The following RANBP2 variants were observed in gnomAD, a reference collection of about 807,000 sequenced individuals.
RANBP2 encodes RAN binding protein 2.
RANBP2 carries 57 observed loss-of-function variants against 303.6 expected under a neutral mutation model. The observed-to-expected ratio is 0.19, with a 90% CI of 0.15 to 0.23. RANBP2 has a LOEUF of 0.23. Among genes scored for constraint, RANBP2 ranks in the 10% least tolerant of loss-of-function variants. RANBP2 has a pLI of 1.00. For synonymous variants in RANBP2, 1,167 were observed against 1,301.5 expected, an observed-to-expected ratio of 0.90 and a Z score of 2.23; for missense variants, 3,138 against 3,780.8, an observed-to-expected ratio of 0.83 and a Z score of 4.46.
chr2:109,158,274 C>G, the RANBP2 span, among the ~76,000 whole-genome samples: 1 of 152,172 alleles, frequency 6.6e-6, no homozygotes, highest in African/African-American at 2.4e-5. Context: ...CCTCCAGGCT[C>G]CCGGTTGCCA....
the RANBP2 span, among the ~76,000 whole-genome samples, chr2:109,393,109 C>T: frequency 6.6e-6 from 1 of 152,334 alleles, no homozygotes; most frequent in East Asian, 1.9e-4. Flanking sequence ...CCAACAAAAG[C>T]TTCAGGCAGG....
At chr2:109,492,504 G>C in the RANBP2 span, among the ~76,000 whole-genome samples, 1 of 152,202 alleles carries the variant, frequency 6.6e-6, no homozygotes, top group Admixed American at 6.5e-5. Flanking sequence ...AGTGGGCATG[G>C]ATTCCGGCTA....
the RANBP2 span, among the ~76,000 whole-genome samples, chr2:109,202,124 G>A: frequency 6.6e-6 from 1 of 152,134 alleles, no homozygotes; most frequent in African/African-American, 2.4e-5. Flanking sequence ...TTCTCATCTT[G>A]ACAGATCAGC....
the RANBP2 span, among the ~76,000 whole-genome samples, chr2:109,216,120 C>G: frequency 6.6e-6 from 1 of 152,130 alleles, no homozygotes; most frequent in African/African-American, 2.4e-5. Context: ...CGGGGGACAT[C>G]GTGAGGTCTG....
chr2:109,272,905 A>G, the RANBP2 span, among the ~76,000 whole-genome samples: 3 of 152,174 alleles, frequency 2.0e-5, no homozygotes. Flanking sequence ...TTGTCATGCC[A>G]AGACAGTTTC....
At chr2:108,804,940 A>G in the RANBP2 span, 88 of 1,575,236 alleles carry the variant, frequency 5.6e-5, no homozygotes, top group South Asian at 1.0e-3. Flanking sequence ...GGAAAAGAAT[A>G]AAGAAACCAA....
chr2:109,573,519 G>A, the RANBP2 span, among the ~76,000 whole-genome samples: 1 of 152,112 alleles, frequency 6.6e-6, no homozygotes, highest in African/African-American at 2.4e-5. Flanking sequence ...CTAAAACCAG[G>A]GGACCAAGCA....
At chr2:108,870,593 C>A in the RANBP2 span, among the ~76,000 whole-genome samples, 5 of 152,286 alleles carry the variant, frequency 3.3e-5, no homozygotes, top group Admixed American at 3.3e-4. Context: ...CAAAGAGTAT[C>A]TGCAAAGCAA....
the RANBP2 span, among the ~76,000 whole-genome samples, chr2:109,213,935 A>G: frequency 5.3e-5 from 8 of 152,340 alleles, no homozygotes; most frequent in African/African-American, 1.9e-4. Context: ...AAGCTGACTC[A>G]GTGACTGCCC....
chr2:109,673,097 A>C, the RANBP2 span, among the ~76,000 whole-genome samples: 2 of 152,218 alleles, frequency 1.3e-5, no homozygotes, highest in African/African-American at 4.8e-5. Flanking sequence ...CCAGGTTCTA[A>C]GCTCTAAGGG....
At chr2:109,314,929 C>G in the RANBP2 span, among the ~76,000 whole-genome samples, 1 of 152,200 alleles carries the variant, frequency 6.6e-6, no homozygotes, top group Admixed American at 6.5e-5. Context: ...AACTTCGTCT[C>G]CCCGTATGAA....
the RANBP2 span, among the ~76,000 whole-genome samples, chr2:109,642,547 A>G: frequency 6.6e-6 from 1 of 150,966 alleles, no homozygotes; most frequent in African/African-American, 2.4e-5. Context: ...CAGGAGATTG[A>G]GACCATCCTG....
chr2:109,276,544 G>A, the RANBP2 span, among the ~76,000 whole-genome samples: 2 of 152,200 alleles, frequency 1.3e-5, no homozygotes, highest in Non-Finnish European at 2.9e-5. Flanking sequence ...GAAAGTAGAT[G>A]TAATAGTAAC....
At chr2:109,691,192 T>G in the RANBP2 span, among the ~76,000 whole-genome samples, 1 of 152,060 alleles carries the variant, frequency 6.6e-6, no homozygotes, top group Non-Finnish European at 1.5e-5. Flanking sequence ...TAAAGAAAAA[T>G]GGAAAAGTGC....
At chr2:108,929,332 G>T in the RANBP2 span, 1 of 1,614,144 alleles carries the variant, frequency 6.2e-7, no homozygotes, top group South Asian at 1.1e-5. Context: ...TCTCCGCCGG[G>T]CAGGGGACGC....
At chr2:108,747,448 TAAATC>T (rs1239301769) in intron 8 of RANBP2, among the ~76,000 whole-genome samples, 1 of 152,254 alleles carries the variant, frequency 6.6e-6, no homozygotes, top group African/African-American at 2.4e-5. Context: ...GATGTAATAT[TAAATC>T]AAAGTTATTA....
the RANBP2 span, among the ~76,000 whole-genome samples, chr2:108,975,423 G>A: frequency 1.3e-5 from 2 of 152,206 alleles, no homozygotes; most frequent in South Asian, 2.1e-4. Flanking sequence ...ATGGGCCGGC[G>A]AGACATGGAT....
the RANBP2 span, among the ~76,000 whole-genome samples, chr2:109,510,844 G>A: frequency 2.6e-5 from 4 of 152,246 alleles, no homozygotes. Flanking sequence ...GGAAGCGGCA[G>A]AGAGCAAAGG....
the RANBP2 span, among the ~76,000 whole-genome samples, chr2:109,115,127 C>G: frequency 1.3e-5 from 2 of 151,294 alleles, no homozygotes; most frequent in African/African-American, 4.8e-5. Flanking sequence ...GGGGTGGAGA[C>G]TGTAGATGTC....
Sources: allele counts gnomAD v4.1 joint callset (sites outside exome capture counted in the v4.1 genomes callset), GRCh38; gene constraint gnomAD v4.1.1; transcripts MANE v1.5; gene names NCBI Gene and HGNC (gene_info 2026-07-23, HGNC 2026-07-21).